The following KLHL7 variants were observed in gnomAD, a reference collection of about 807,000 sequenced individuals.
KLHL7 encodes the protein kelch-like protein 7.
In KLHL7, 44 loss-of-function variants were observed where a neutral mutation model predicts 67.4. That is an observed-to-expected ratio of 0.65 (90% CI 0.51 to 0.84). The LOEUF is 0.84. Ranked by LOEUF, KLHL7 falls within the 40% of genes least tolerant of loss-of-function variation. KLHL7 has a pLI of 0.00. For synonymous variants in KLHL7, 252 were observed against 243.3 expected (o/e 1.04, Z -0.33); for missense variants, 362 against 718.1 (o/e 0.50, Z 5.67).
At chr7:23,154,806 G>T (rs1456617673) in intron 7 of KLHL7, among the ~76,000 whole-genome samples, 1 of 152,198 alleles carries the variant, frequency 6.6e-6, no homozygotes, top group Non-Finnish European at 1.5e-5. Flanking sequence ...TAGCTATATG[G>T]CAAGTTTTCC....
At chr7:23,158,236 G>A (rs907506678) in intron 7 of KLHL7, among the ~76,000 whole-genome samples, 3 of 152,068 alleles carry the variant, frequency 2.0e-5, no homozygotes, top group African/African-American at 7.2e-5. Flanking sequence ...CAAAGTTCTG[G>A]GATTATAGAT....
intron 8 of KLHL7, 98 bp from the exon 9 acceptor site, chr7:23,167,737 TA>T: frequency 9.1e-7 from 1 of 1,097,928 alleles, no homozygotes; most frequent in Non-Finnish European, 1.4e-6. Flanking sequence ...CGTATGACCC[TA>T]AATTCTTCCT....
In KLHL7 at chr7:23,121,490, G is replaced by A. The variant is rs186582348; in HGVS notation, c.121-2287G>A. Among the ~76,000 whole-genome samples the A allele has an allele frequency of 3.3e-5, 5 of 150,242 alleles. No individual in the cohort carries two copies. The East Asian group carries it at 1.0e-3, about 30-fold the overall frequency. ...TTTGTATTTTTTTTTTGTAGAGACA[G>A]AGTTTCATCATGTTGCCCCGGCTGG... On this transcript the variant is annotated intron_variant, in intron 1 of 10. Coordinates refer to ENST00000339077, the MANE Select transcript of KLHL7 (RefSeq NM_001031710.3).
intron 1 of KLHL7, among the ~76,000 whole-genome samples, chr7:23,107,770 T>C (rs2128455360): frequency 6.6e-6 from 1 of 152,366 alleles, no homozygotes; most frequent in South Asian, 2.1e-4. Context: ...GACCTTAATC[T>C]GCCAGGTTCT....
chr7:23,159,706 T>C (rs1784806672), intron 7 of KLHL7, among the ~76,000 whole-genome samples: 1 of 152,130 alleles, frequency 6.6e-6, no homozygotes, highest in South Asian at 2.1e-4. Context: ...AATTTTTAGA[T>C]TTTTTGTAGA....
intron 1 of KLHL7, among the ~76,000 whole-genome samples, chr7:23,121,893 A>C (rs552527774): frequency 6.6e-6 from 1 of 152,024 alleles, no homozygotes; most frequent in Non-Finnish European, 1.5e-5. Context: ...TGTGTTAGCC[A>C]GGATGGTCTC....
At chr7:23,141,364 A>C (rs1784175896) in intron 5 of KLHL7, among the ~76,000 whole-genome samples, 1 of 152,248 alleles carries the variant, frequency 6.6e-6, no homozygotes, top group South Asian at 2.1e-4. Flanking sequence ...CAATGTGAGA[A>C]AGACTTGACT....
rs183313306 is a variant in KLHL7 at position 23,119,720 on chromosome 7, C to A, written c.121-4057C>A. On this transcript the variant is annotated intron_variant, in intron 1 of 10. Coordinates refer to ENST00000339077, the MANE Select transcript of KLHL7 (RefSeq NM_001031710.3). ...TATCAAATTGCCACTTAATGAAGAT[C>A]CCTCACATTTTTTTTGTTTCTCAAT... Among the ~76,000 whole-genome samples, 271 of 152,136 alleles carry A rather than the reference C, an allele frequency of 1.8e-3. 2 individuals are homozygous for A. The highest frequency in any genetic ancestry group is 6.4e-3 in the African/African-American group (265 of 41,504).
chr7:23,171,173 G>A, intron 9 of KLHL7: 1 of 362,472 alleles, frequency 2.8e-6, no homozygotes, highest in Non-Finnish European at 5.6e-6. Context: ...CCAAAGTGCT[G>A]GGATTACAGG....
intron 1 of KLHL7, chr7:23,118,088 G>A (rs1783173297): frequency 1.7e-6 from 2 of 1,185,468 alleles, no homozygotes; most frequent in Non-Finnish European, 2.4e-6. Context: ...CAGTGCTTTA[G>A]CACTTACATG....
At chr7:23,165,119 A>C (rs755828101) in intron 7 of KLHL7, among the ~76,000 whole-genome samples, 4 of 152,248 alleles carry the variant, frequency 2.6e-5, no homozygotes, top group Non-Finnish European at 5.9e-5. Context: ...CAGAGTACTT[A>C]GAAGAGATTA....
chr7:23,111,432 A>T (rs1782865868), intron 1 of KLHL7, among the ~76,000 whole-genome samples: 1 of 152,208 alleles, frequency 6.6e-6, no homozygotes, highest in African/African-American at 2.4e-5. Context: ...TTCATAAGTC[A>T]AGTTAGGTGA....
chr7:23,146,677 A>T (rs370277504), intron 6 of KLHL7, among the ~76,000 whole-genome samples: 7 of 124,872 alleles, frequency 5.6e-5, no homozygotes, highest in Non-Finnish European at 9.7e-5. Flanking sequence ...TTTTTTTTTT[A>T]ATTTTAAGGC....
chr7:23,121,959 G>A (rs949836989), intron 1 of KLHL7, among the ~76,000 whole-genome samples: 10 of 152,264 alleles, frequency 6.6e-5, no homozygotes, highest in Non-Finnish European at 1.5e-4. Context: ...TGGGATTACA[G>A]GCATGAGTCG....
intron 9 of KLHL7, 154 bp from the exon 10 acceptor site, chr7:23,172,794 A>G (rs75414722): frequency 1.6e-6 from 1 of 618,264 alleles, no homozygotes; most frequent in Non-Finnish European, 2.9e-6. Context: ...TCATTGTTCA[A>G]CTTTTGTTTT....
At position 23,175,778 on chromosome 7, in the gene KLHL7, T is replaced by C. The variant is rs148926210; in HGVS notation, c.*1480T>C. On this transcript the variant is annotated 3_prime_UTR_variant, in exon 11 of 11. Coordinates refer to ENST00000339077, the MANE Select transcript of KLHL7 (RefSeq NM_001031710.3). ...CAGTTCAAGACCACCCTGGCCAACA[T>C]GATGAGACCCCGTCTCTACTAAAAA... 1.2e-5 allele frequency: 2 copies of C among 167,794 alleles called. No individual in the cohort carries two copies. Among genetic ancestry groups the C allele is most frequent in the Non-Finnish European group, 2.6e-5 (2 of 78,190 alleles). 10.4% of individuals were successfully genotyped at this position (167,794 alleles called of 1,614,324 possible).
At chr7:23,173,364 A>G (rs1785221179) in intron 10 of KLHL7, among the ~76,000 whole-genome samples, 2 of 152,154 alleles carry the variant, frequency 1.3e-5, no homozygotes, top group South Asian at 2.1e-4. Context: ...ACTTTAAAAA[A>G]CCTTTAAAAA....
chr7:23,117,986 T>C (rs199760084), intron 1 of KLHL7: 354 of 1,613,572 alleles, frequency 2.2e-4, no homozygotes, highest in Admixed American at 8.3e-5. Context: ...CTCAGTCTTC[T>C]CTTTGGGATA....
chr7:23,140,690 A>G (rs780680916), intron 4 of KLHL7, 79 bp from the exon 5 acceptor site: 3 of 1,178,408 alleles, frequency 2.5e-6, no homozygotes, highest in Non-Finnish European at 3.7e-6. Flanking sequence ...AATTTTCCTG[A>G]AGTCATGCTT....
Sources: gnomAD v4.1 joint callset for allele counts (sites outside exome capture counted in the v4.1 genomes callset) on GRCh38, gnomAD v4.1.1 for gene constraint, MANE v1.5 for transcripts, NCBI Gene and HGNC (gene_info 2026-07-23, HGNC 2026-07-21) for gene names.